DCX: variants seen among roughly 807,000 people sequenced by gnomAD.
DCX encodes the protein neuronal migration protein doublecortin.
A neutral mutation model predicts 20.9 loss-of-function variants in DCX; 4 were observed. The ratio of observed to expected loss-of-function variants is 0.19; its 90% confidence interval spans 0.09 to 0.44. The LOEUF (loss-of-function observed/expected upper bound fraction) is 0.44, where lower values mean the gene tolerates loss of function less well. Ranked by LOEUF, DCX falls within the 20% of genes least tolerant of loss-of-function variation. The probability of loss-of-function intolerance (pLI) is 0.99; values close to 1 mark genes in which losing one functional copy is unlikely to be tolerated. For synonymous variants in DCX, 103 were observed against 111.4 expected (o/e 0.92, Z 0.47); for missense variants, 133 against 296.9 (o/e 0.45, Z 4.06).
intron 3 of DCX, among the ~76,000 whole-genome samples, chrX:111,348,274 T>C (rs1923003575): frequency 1.8e-5 from 2 of 111,519 alleles, no homozygotes; most frequent in Admixed American, 1.9e-4. Context: ...AGCATGAAAA[T>C]ACCAGTGGTA....
chrX:111,366,388 A>G (rs1924634120), intron 3 of DCX, among the ~76,000 whole-genome samples: 1 of 112,222 alleles, frequency 8.9e-6, no homozygotes, highest in African/African-American at 3.2e-5. Flanking sequence ...CACGGTAAAA[A>G]GTAATCAGTC....
intron 6 of DCX, among the ~76,000 whole-genome samples, chrX:111,308,535 T>C (rs1335852461): frequency 9.0e-6 from 1 of 110,961 alleles, no homozygotes; most frequent in African/African-American, 3.3e-5. Context: ...TTTGTGCTCA[T>C]GCAGTCCTTT....
At chrX:111,327,471 T>C (rs2095102145) in intron 5 of DCX, among the ~76,000 whole-genome samples, 1 of 112,578 alleles carries the variant, frequency 8.9e-6, no homozygotes, top group South Asian at 3.6e-4. Context: ...GTATGCACTG[T>C]CTATAGCTTA....
chrX:111,359,907 T>C (rs1924063641), intron 3 of DCX, among the ~76,000 whole-genome samples: 1 of 111,820 alleles, frequency 8.9e-6, no homozygotes, highest in Admixed American at 9.5e-5. Context: ...GGTATAAGTA[T>C]ACATTTATAA....
In DCX at chrX:111,300,434, A is replaced by G. The variant is rs2095031156; in HGVS notation, c.*1253T>C. 1 of 112,570 alleles carries G rather than the reference A, an allele frequency of 8.9e-6. No individual in the cohort carries two copies. The allele number at this position is 112,570 out of a possible 1,213,427, so 9.3% of individuals were successfully genotyped here. ...AGAGTTGCTTAAAATATGCTGTAAC[A>G]TTTCATTTAAAATATAATTAGAATG... On this transcript the variant is annotated 3_prime_UTR_variant, in exon 7 of 7. Coordinates refer to ENST00000636035, the MANE Select transcript of DCX (RefSeq NM_001195553.2).
At chrX:111,330,876 CGTGCACA>C in intron 5 of DCX, 21 bp downstream of exon 5, 3 of 1,209,299 alleles carry the variant, frequency 2.5e-6, no homozygotes, top group Non-Finnish European at 3.4e-6. Context: ...ATGAAGTCAG[CGTGCACA>C]GTTAGGAAAA....
intron 3 of DCX, among the ~76,000 whole-genome samples, chrX:111,388,434 A>G (rs956509769): frequency 8.9e-6 from 1 of 111,758 alleles, no homozygotes; most frequent in African/African-American, 3.2e-5. Context: ...TTCCTTTTCA[A>G]GATTCTCTAA....
At chrX:111,312,960 C>T (rs186727996) in intron 5 of DCX, among the ~76,000 whole-genome samples, 5 of 111,811 alleles carry the variant, frequency 4.5e-5, no homozygotes, top group African/African-American at 1.6e-4. Flanking sequence ...CGTCATCCTC[C>T]CACCCTTTCC....
At chrX:111,372,238 C>T (rs1249512605) in intron 3 of DCX, among the ~76,000 whole-genome samples, 3 of 111,975 alleles carry the variant, frequency 2.7e-5, no homozygotes, top group African/African-American at 9.7e-5. Flanking sequence ...CTGGGGGAAG[C>T]GCTTTTTTTT....
intron 3 of DCX, among the ~76,000 whole-genome samples, chrX:111,394,635 T>G (rs984141478): frequency 3.6e-5 from 4 of 112,198 alleles, no homozygotes; most frequent in Non-Finnish European, 7.5e-5. Flanking sequence ...CAGTTTTAAA[T>G]GGAACAGCCT....
rs144812842 is a variant in DCX, at chrX:111,377,645, G to T, written c.705+23345C>A. Among the ~76,000 whole-genome samples the T allele has an allele frequency of 7.8e-3, 866 of 111,729 alleles. 6 individuals are homozygous for T. Among genetic ancestry groups the T allele is most frequent in the Non-Finnish European group, 0.014 (723 of 53,048 alleles). On this transcript the variant is annotated intron_variant, in intron 3 of 6. Transcript: ENST00000636035. ...TGAAAATGAGAGGGTTGAAGGAGGA[G>T]TGGGAATGCTTCCCAGAGATGCCAA...
intron 3 of DCX, among the ~76,000 whole-genome samples, chrX:111,387,208 T>C (rs1003199899): frequency 3.6e-5 from 4 of 111,599 alleles, no homozygotes; most frequent in Non-Finnish European, 1.9e-5. Context: ...AGCACTGTTA[T>C]GGACCCATGA....
rs915467894 is a variant in DCX, at chrX:111,298,366, C to A, written c.*3321G>T. The A allele has an allele frequency of 8.9e-6, 1 of 111,953 alleles. No homozygotes were observed. The highest frequency in any genetic ancestry group is 3.3e-5 in the African/African-American group (1 of 30,638). 9.2% of individuals were successfully genotyped at this position (111,953 alleles called of 1,213,427 possible). ...ACTCTCTTCAAGGACATCTGCAACC[C>A]ATGTGGATGGGAACCAGGTGAATGC... On this transcript the variant is annotated 3_prime_UTR_variant, in exon 7 of 7. Transcript: ENST00000636035.
chrX:111,329,256 C>T (rs929122367), intron 5 of DCX, among the ~76,000 whole-genome samples: 30 of 111,883 alleles, frequency 2.7e-4, no homozygotes, highest in Admixed American at 1.4e-3. Flanking sequence ...AACAAGATAG[C>T]ATCAAGGCAC....
Position 111,391,147 on chromosome X carries a change from T to A in DCX, c.705+9843A>T, listed in dbSNP as rs183149528. On this transcript the variant is annotated intron_variant, in intron 3 of 6. Transcript: ENST00000636035. ...TTTGGAGGCGGGACCTGGTGGGAGG[T>A]GATTGAATCATGGGGACAGATTTTT... Among the ~76,000 whole-genome samples, 708 of 110,175 alleles carry A rather than the reference T, an allele frequency of 6.4e-3. 1 individual carries two copies. Among genetic ancestry groups the A allele is most frequent in the African/African-American group, 0.021 (643 of 30,285 alleles).
chrX:111,371,974 C>T (rs1925131221), intron 3 of DCX, among the ~76,000 whole-genome samples: 1 of 108,209 alleles, frequency 9.2e-6, no homozygotes, highest in Admixed American at 1.0e-4. Context: ...ACACACTTCC[C>T]TAGAATTTGT....
rs760842622 is a variant in DCX, at chrX:111,363,304, CAGA to C, written c.706-30154_706-30152del. On this transcript the variant is annotated intron_variant, in intron 3 of 6. Transcript: ENST00000636035. ...CAAGCCAATGGGGAGGGTGATCAGG[CAGA>C]AGATGTCCCCCAGCCATTGGGGGAA... Among the ~76,000 whole-genome samples, 3 of 110,540 alleles carry C rather than the reference CAGA, an allele frequency of 2.7e-5. No individual in the cohort carries two copies. In the Admixed American group the frequency reaches 2.9e-4, roughly 11 times the overall value.
intron 3 of DCX, among the ~76,000 whole-genome samples, chrX:111,369,472 C>T (rs766204169): frequency 1.4e-4 from 16 of 111,658 alleles, no homozygotes; most frequent in South Asian, 7.5e-4. Context: ...CATTTCTCTC[C>T]AGCACTAGGC....
At chrX:111,322,996 T>C (rs1171771768) in intron 5 of DCX, among the ~76,000 whole-genome samples, 8 of 111,850 alleles carry the variant, frequency 7.2e-5, no homozygotes, top group African/African-American at 2.6e-4. Context: ...TGAGTTTCCC[T>C]CAAGAAGAGG....
Sources: allele counts gnomAD v4.1 joint callset (sites outside exome capture counted in the v4.1 genomes callset), GRCh38; gene constraint gnomAD v4.1.1; transcripts MANE v1.5; gene names NCBI Gene and HGNC (gene_info 2026-07-23, HGNC 2026-07-21).